The following CHLSN variants were observed in gnomAD, a reference collection of about 807,000 sequenced individuals.
The protein encoded by CHLSN is protein cholesin.
At chr7:1,071,231 G>T in the CHLSN span, among the ~76,000 whole-genome samples, 3 of 152,378 alleles carry the variant, frequency 2.0e-5, no homozygotes, top group East Asian at 5.8e-4. Flanking sequence ...CACGTCAGCA[G>T]CAGATCAGGT....
chr7:1,028,247 C>CGCGCACTG, the CHLSN span: 1 of 1,096,098 alleles, frequency 9.1e-7, no homozygotes, highest in South Asian at 2.0e-5. Flanking sequence ...GCCCTGGCCC[C>CGCGCACTG]GCGCACTGAC....
the CHLSN span, among the ~76,000 whole-genome samples, chr7:1,100,544 C>T: frequency 6.6e-6 from 1 of 152,194 alleles, no homozygotes; most frequent in Admixed American, 6.5e-5. Context: ...AGCTGGGGAG[C>T]CTGGGCCGTG....
At chr7:1,107,160 G>C in the CHLSN span, among the ~76,000 whole-genome samples, 1 of 151,544 alleles carries the variant, frequency 6.6e-6, no homozygotes, top group East Asian at 1.9e-4. Context: ...GAAGCCATGT[G>C]TCCATGTGCA....
the CHLSN span, among the ~76,000 whole-genome samples, chr7:1,033,833 G>A: frequency 2.6e-5 from 4 of 152,100 alleles, no homozygotes; most frequent in Non-Finnish European, 5.9e-5. Context: ...GAGACACCCA[G>A]GAAATCAGTA....
chr7:993,984 G>A, the CHLSN span, among the ~76,000 whole-genome samples: 2 of 152,170 alleles, frequency 1.3e-5, no homozygotes, highest in South Asian at 2.1e-4. Context: ...TCCGGAAGCC[G>A]CACAGTGCTG....
At chr7:1,077,479 G>C in the CHLSN span, among the ~76,000 whole-genome samples, 4 of 151,990 alleles carry the variant, frequency 2.6e-5, no homozygotes, top group African/African-American at 9.7e-5. Context: ...AAGTTGCTCT[G>C]GTCCTCCCAG....
At chr7:1,014,463 T>G in the CHLSN span, among the ~76,000 whole-genome samples, 10 of 152,232 alleles carry the variant, frequency 6.6e-5, no homozygotes, top group Non-Finnish European at 1.2e-4. Flanking sequence ...ACACGGGCCC[T>G]GTGTGAGCCG....
At chr7:1,123,952 G>A in the CHLSN span, among the ~76,000 whole-genome samples, 1 of 151,926 alleles carries the variant, frequency 6.6e-6, no homozygotes, top group Admixed American at 6.6e-5. This position sits in a 1 kb window ranked among gnomAD's most constrained non-coding sequence, Gnocchi z 4.4. Flanking sequence ...CCAGCTCCAG[G>A]TCGCTTCCCA....
At chr7:1,020,666 G>A in the CHLSN span, among the ~76,000 whole-genome samples, 18 of 152,270 alleles carry the variant, frequency 1.2e-4, no homozygotes, top group Admixed American at 3.3e-4. Flanking sequence ...CCCACCTCCC[G>A]AGCAGGGAGG....
chr7:1,109,922 G>A, the CHLSN span, among the ~76,000 whole-genome samples: 10 of 152,106 alleles, frequency 6.6e-5, no homozygotes, highest in South Asian at 2.1e-4. Context: ...AACTACCTCC[G>A]CTCTCTCCAC....
At chr7:1,022,553 G>A in the CHLSN span, among the ~76,000 whole-genome samples, 1 of 152,124 alleles carries the variant, frequency 6.6e-6, no homozygotes, top group Non-Finnish European at 1.5e-5. Flanking sequence ...GGACGCCCAC[G>A]TGCCCTCCAC....
At chr7:1,115,901 G>A in the CHLSN span, among the ~76,000 whole-genome samples, 1 of 105,212 alleles carries the variant, frequency 9.5e-6, no homozygotes, top group African/African-American at 3.5e-5. Flanking sequence ...CATCACCAAC[G>A]CCCACGCAGG....
chr7:1,136,221 CATAT>C, the CHLSN span, among the ~76,000 whole-genome samples: 2 of 104,252 alleles, frequency 1.9e-5, no homozygotes, highest in Admixed American at 2.3e-4. Context: ...TATATATAAA[CATAT>C]ATAAATATAT....
At chr7:1,101,643 C>T in the CHLSN span, among the ~76,000 whole-genome samples, 1 of 152,238 alleles carries the variant, frequency 6.6e-6, no homozygotes, top group African/African-American at 2.4e-5. Flanking sequence ...CAGGGTGGAC[C>T]GTCCCGTGTC....
the CHLSN span, among the ~76,000 whole-genome samples, chr7:1,049,055 G>A: frequency 6.6e-6 from 1 of 152,218 alleles, no homozygotes; most frequent in Non-Finnish European, 1.5e-5. Flanking sequence ...CTGAGCGTGC[G>A]CTCCCCAGGC....
chr7:1,035,838 G>C, the CHLSN span, among the ~76,000 whole-genome samples: 1 of 152,206 alleles, frequency 6.6e-6, no homozygotes, highest in Non-Finnish European at 1.5e-5. Flanking sequence ...CCTGCACACA[G>C]ATATTTCGAG....
chr7:1,021,030 G>A, the CHLSN span, among the ~76,000 whole-genome samples: 1 of 149,314 alleles, frequency 6.7e-6, no homozygotes, highest in African/African-American at 2.5e-5. Context: ...GTACCTCCAG[G>A]TTGGGGACCT....
At chr7:1,116,114 C>T in the CHLSN span, among the ~76,000 whole-genome samples, 1 of 129,070 alleles carries the variant, frequency 7.7e-6, no homozygotes, top group African/African-American at 2.8e-5. Context: ...CGGCTTCCAT[C>T]ACCAATGCCC....
chr7:1,025,378 GT>G, the CHLSN span: 6 of 152,494 alleles, frequency 3.9e-5, no homozygotes, highest in African/African-American at 1.4e-4. Context: ...ACTCACTGGG[GT>G]GTGGGTGCTG....
Sources: gnomAD v4.1 joint callset for allele counts (sites outside exome capture counted in the v4.1 genomes callset) on GRCh38, gnomAD v4.1.1 for gene constraint, Gnocchi (gnomAD v3.1) non-coding constraint, MANE v1.5 for transcripts, NCBI Gene and HGNC (gene_info 2026-07-23, HGNC 2026-07-21) for gene names.